The following TTC27 variants were observed in gnomAD, a reference collection of about 807,000 sequenced individuals.
TTC27 encodes the protein tetratricopeptide repeat domain 27.
Under a neutral mutation model 115.9 loss-of-function variants are expected in TTC27, and 79 were observed. That is an observed-to-expected ratio of 0.68 (90% CI 0.57 to 0.82). The LOEUF (loss-of-function observed/expected upper bound fraction) is 0.82. TTC27 is among the 40% of genes least tolerant of loss of function. The probability of loss-of-function intolerance (pLI) is 0.00; values close to 1 mark genes in which losing one functional copy is unlikely to be tolerated. For missense variants in TTC27, 1,054 were observed against 993.1 expected (o/e 1.06, Z -0.82); for synonymous variants, 401 against 356.0 (o/e 1.13, Z -1.42).
At chr2:32,656,015 A>G (rs1665301715) in intron 5 of TTC27, among the ~76,000 whole-genome samples, 1 of 152,344 alleles carries the variant, frequency 6.6e-6, no homozygotes, top group Middle Eastern at 3.4e-3. Context: ...TAGACTGCTC[A>G]ACAACATCAG....
chr2:32,681,268 C>G (rs1666414775), intron 9 of TTC27, among the ~76,000 whole-genome samples: 1 of 152,166 alleles, frequency 6.6e-6, no homozygotes, highest in Non-Finnish European at 1.5e-5. Flanking sequence ...CCCACACATA[C>G]TTTGGGCTTT....
intron 14 of TTC27, among the ~76,000 whole-genome samples, chr2:32,779,761 A>T (rs1429134176): frequency 6.6e-6 from 1 of 152,186 alleles, no homozygotes; most frequent in Non-Finnish European, 1.5e-5. Context: ...CTTTTCTGCT[A>T]GGAGTTTTAT....
At chr2:32,656,677 G>A (rs1665332985) in intron 5 of TTC27, among the ~76,000 whole-genome samples, 1 of 152,190 alleles carries the variant, frequency 6.6e-6, no homozygotes, top group Non-Finnish European at 1.5e-5. Flanking sequence ...CTATACCAGT[G>A]GATGAGACAC....
chr2:32,770,015 A>G (rs1454000939), intron 13 of TTC27, among the ~76,000 whole-genome samples: 2 of 152,176 alleles, frequency 1.3e-5, no homozygotes, highest in Admixed American at 6.5e-5. Flanking sequence ...GATGGAAGTG[A>G]ATATTGGTGT....
At chr2:32,648,118 C>T (rs796384857) in intron 4 of TTC27, among the ~76,000 whole-genome samples, 73 of 152,048 alleles carry the variant, frequency 4.8e-4, no homozygotes, top group African/African-American at 1.5e-3. Flanking sequence ...GAGATTTTCA[C>T]TCTTCACCGT....
chr2:32,805,091 T>C (rs1451922726), intron 16 of TTC27, among the ~76,000 whole-genome samples: 1 of 152,212 alleles, frequency 6.6e-6, no homozygotes, highest in Non-Finnish European at 1.5e-5. Flanking sequence ...TAGCAAATGC[T>C]TGATAACAGG....
chr2:32,658,018 A>G (rs1209678560), intron 5 of TTC27, among the ~76,000 whole-genome samples: 2 of 152,162 alleles, frequency 1.3e-5, no homozygotes, highest in Non-Finnish European at 2.9e-5. Context: ...TGGTAGAGAC[A>G]GGGTTTCACC....
intron 5 of TTC27, among the ~76,000 whole-genome samples, chr2:32,653,889 A>G (rs896534218): frequency 1.8e-4 from 28 of 152,220 alleles, no homozygotes; most frequent in African/African-American, 5.8e-4. Flanking sequence ...ATAATAATAT[A>G]TGCCTAATGT....
At chr2:32,757,339 A>C (rs986577972) in intron 12 of TTC27, among the ~76,000 whole-genome samples, 2 of 152,160 alleles carry the variant, frequency 1.3e-5, no homozygotes, top group Non-Finnish European at 2.9e-5. Context: ...TAGTGAGGCC[A>C]CCTGATATCA....
intron 5 of TTC27, among the ~76,000 whole-genome samples, chr2:32,650,988 A>ATT (rs150376405): frequency 4.7e-5 from 7 of 149,760 alleles, no homozygotes; most frequent in East Asian, 1.9e-4. Flanking sequence ...GGTTTTGGGG[A>ATT]TTTTTTTTTT....
At chr2:32,687,923 A>G (rs966940161) in intron 9 of TTC27, among the ~76,000 whole-genome samples, 6 of 152,218 alleles carry the variant, frequency 3.9e-5, no homozygotes, top group Non-Finnish European at 8.8e-5. Flanking sequence ...GTAAATACAT[A>G]GATAAATGGC....
At chr2:32,717,954 A>AT (rs767713520) in intron 10 of TTC27, among the ~76,000 whole-genome samples, 9 of 152,144 alleles carry the variant, frequency 5.9e-5, no homozygotes, top group Non-Finnish European at 1.0e-4. Context: ...GAACCTCTCT[A>AT]TGCCTCAGTT....
chr2:32,678,835 C>T (rs774721112), intron 8 of TTC27, 21 bp from the exon 9 acceptor site: 9 of 1,572,188 alleles, frequency 5.7e-6, no homozygotes, highest in Non-Finnish European at 7.8e-6. Flanking sequence ...AATTAATTTA[C>T]CTTTTTTTCT....
At chr2:32,768,185 TTTA>T (rs1433183913) in intron 13 of TTC27, among the ~76,000 whole-genome samples, 1 of 152,230 alleles carries the variant, frequency 6.6e-6, no homozygotes, top group Admixed American at 6.5e-5. Context: ...TTAATTCTCC[TTTA>T]TTATTTTTTA....
chr2:32,769,653 A>T lies in TTC27; in HGVS notation c.1681-8229A>T, dbSNP rs1669762568. ...TCTAGGGGAGAGTGGAATGAGGAGA[A>T]GAGATGAAGATATTAGCTTTGGAAA... is the stretch of plus-strand genomic sequence containing the variant. On this transcript the variant is annotated intron_variant, in intron 13 of 19. Coordinates refer to ENST00000317907, the MANE Select transcript of TTC27 (RefSeq NM_017735.5). 2.6e-5 allele frequency among the ~76,000 whole-genome samples: 4 copies of T among 152,078 alleles called. No individual in the cohort carries two copies. In the South Asian group the frequency reaches 8.3e-4, roughly 32 times the overall value.
intron 10 of TTC27, among the ~76,000 whole-genome samples, chr2:32,720,128 C>A (rs912787688): frequency 2.0e-5 from 3 of 152,116 alleles, no homozygotes; most frequent in African/African-American, 7.2e-5. Context: ...CTTATTGGCA[C>A]CTTCATTGAA....
In TTC27 at chr2:32,682,113, G is replaced by C. The variant is rs971585019; in HGVS notation, c.1119+3191G>C. Among the ~76,000 whole-genome samples the C allele has an allele frequency of 2.0e-5, 3 of 151,526 alleles. No homozygotes were observed. In the East Asian group the frequency reaches 5.8e-4, roughly 29 times the overall value. ...GGCTCTCTACAAGGGTTGTGACAGT[G>C]CTTCAATGCTTTACTCATAGTTGTT... On this transcript the variant is annotated intron_variant, in intron 9 of 19. Transcript: ENST00000317907.
chr2:32,760,475 C>G (rs538394063), intron 13 of TTC27, among the ~76,000 whole-genome samples: 1 of 151,994 alleles, frequency 6.6e-6, no homozygotes, highest in African/African-American at 2.4e-5. Flanking sequence ...CTAAACATCC[C>G]GTAATACACA....
chr2:32,643,495 A>G (rs1219648884), intron 4 of TTC27, among the ~76,000 whole-genome samples: 1 of 151,822 alleles, frequency 6.6e-6, no homozygotes, highest in Admixed American at 6.6e-5. Context: ...TTTAGTAGAA[A>G]TGGGATTTTA....
Sources: allele counts gnomAD v4.1 joint callset (sites outside exome capture counted in the v4.1 genomes callset), GRCh38; gene constraint gnomAD v4.1.1; transcripts MANE v1.5; gene names NCBI Gene and HGNC (gene_info 2026-07-23, HGNC 2026-07-21).